ZEB1: variants seen among roughly 807,000 people sequenced by gnomAD.
ZEB1 encodes zinc finger E-box binding homeobox 1, also known as zinc finger E-box-binding homeobox 1.
Under a neutral mutation model 84.9 loss-of-function variants are expected in ZEB1, and 21 were observed. That is an observed-to-expected ratio of 0.25 (90% CI 0.18 to 0.36). ZEB1 has a LOEUF of 0.36. Ranked by LOEUF, ZEB1 falls within the 10% of genes least tolerant of loss-of-function variation. The pLI is 1.00. For synonymous variants in ZEB1, 420 were observed against 471.1 expected (o/e 0.89, Z 1.41); for missense variants, 1,104 against 1,330.2 (o/e 0.83, Z 2.65).
At chr10:31,373,234 A>G (rs1461052609) in intron 1 of ZEB1, 1 of 984,268 alleles carries the variant, frequency 1.0e-6, no homozygotes, top group Non-Finnish European at 1.2e-6. Flanking sequence ...CTACCAATGT[A>G]TTATATTTGA....
At chr10:31,396,977 G>A (rs11008483) in intron 1 of ZEB1, among the ~76,000 whole-genome samples, 1 of 150,630 alleles carries the variant, frequency 6.6e-6, no homozygotes, top group Non-Finnish European at 1.5e-5. Context: ...AAAATAGCTC[G>A]AGCTCTCCTA....
chr10:31,509,116 G>A (rs1182160342), intron 4 of ZEB1, among the ~76,000 whole-genome samples: 1 of 152,174 alleles, frequency 6.6e-6, no homozygotes, highest in East Asian at 1.9e-4. Flanking sequence ...GTATGTCAGT[G>A]GGGCTCAACA....
chr10:31,321,031 C>T (rs2033876935), intron 1 of ZEB1: 2 of 549,104 alleles, frequency 3.6e-6, no homozygotes, highest in Non-Finnish European at 4.6e-6. Context: ...GCAATAAATG[C>T]GTCTATAATG....
chr10:31,496,684 C>T (rs755716543), intron 3 of ZEB1, among the ~76,000 whole-genome samples: 16 of 152,024 alleles, frequency 1.1e-4, no homozygotes, highest in Non-Finnish European at 1.9e-4. Flanking sequence ...TTAGATATTT[C>T]TGTCATATAG....
intron 5 of ZEB1, among the ~76,000 whole-genome samples, chr10:31,513,646 TAGTTG>T (rs1019687239): frequency 6.4e-4 from 97 of 152,186 alleles, no homozygotes; most frequent in African/African-American, 2.2e-3. Flanking sequence ...CATGAAGCAG[TAGTTG>T]AGTTAAGCCG....
At chr10:31,336,758 C>G (rs548304200) in intron 1 of ZEB1, among the ~76,000 whole-genome samples, 2 of 152,182 alleles carry the variant, frequency 1.3e-5, no homozygotes, top group African/African-American at 4.8e-5. Flanking sequence ...CAGGGAAATG[C>G]AAATTAAAAC....
rs566555417 is a variant in ZEB1 at position 31,511,067 on chromosome 10, T to G, written c.687+192T>G. On this transcript the variant is annotated intron_variant, in intron 5 of 8. Coordinates refer to ENST00000424869, the MANE Select transcript of ZEB1 (RefSeq NM_001174096.2). ...CATTCCTGAGATTAAAAACCACATATGAACGTTACTTTAGAGGTAACTCAG... is the reference window on the plus strand; with the variant it reads ...CATTCCTGAGATTAAAAACCACATAGGAACGTTACTTTAGAGGTAACTCAG... Among the ~76,000 whole-genome samples, 5 of 152,366 alleles carry G rather than the reference T, an allele frequency of 3.3e-5. No homozygotes were observed. In the East Asian group the frequency reaches 9.6e-4, roughly 29 times the overall value.
chr10:31,372,538 T>A (rs2045905688), intron 1 of ZEB1, among the ~76,000 whole-genome samples: 1 of 152,064 alleles, frequency 6.6e-6, no homozygotes, highest in African/African-American at 2.4e-5. Context: ...ATAAATTTTG[T>A]CTTCCCAGTA....
At chr10:31,521,972 A>G (rs1254693405) in intron 7 of ZEB1, 36 bp downstream of exon 7, 5 of 1,613,536 alleles carry the variant, frequency 3.1e-6, no homozygotes, top group Non-Finnish European at 4.2e-6. Context: ...CTGGCTAGTA[A>G]TATGCTATTT....
chr10:31,418,951 C>A (rs1277444043), intron 1 of ZEB1, among the ~76,000 whole-genome samples: 4 of 150,786 alleles, frequency 2.7e-5, no homozygotes, highest in African/African-American at 9.7e-5. Flanking sequence ...TGTACATATT[C>A]AAAAAAAAAT....
rs11814146 is a variant in ZEB1, at chr10:31,368,258, G to A, written c.58+48966G>A. Among the ~76,000 whole-genome samples the A allele has an allele frequency of 9.4e-3, 1,428 of 152,124 alleles. 25 individuals carry two copies. Among genetic ancestry groups the A allele is most frequent in the African/African-American group, 0.033 (1,367 of 41,500 alleles). ...CAGCCTCGACCTCCTGGGCTCAATC[G>A]ATCCCCCCACTTCAGCCTCCCAAGT... On this transcript the variant is annotated intron_variant, in intron 1 of 8. Transcript: ENST00000424869.
At position 31,331,081 on chromosome 10, in the gene ZEB1, CTTTT is replaced by C. The variant is rs548615284; in HGVS notation, c.58+11812_58+11815del. ...ATTTTCTTTTCTTTTTTCTTTCTTT[CTTTT>C]TTTTTTTTTTTTTTTTTTTTTTGAG... On this transcript the variant is annotated intron_variant, in intron 1 of 8. Coordinates refer to ENST00000424869, the MANE Select transcript of ZEB1 (RefSeq NM_001174096.2). Among the ~76,000 whole-genome samples, 700 of 77,740 alleles carry C rather than the reference CTTTT, an allele frequency of 9.0e-3. 1 individual carries two copies. Among genetic ancestry groups the C allele is most frequent in the African/African-American group, 0.038 (657 of 17,428 alleles). 51.0% of individuals were successfully genotyped at this position (77,740 alleles called of 152,430 possible).
At chr10:31,396,778 A>T (rs940629147) in intron 1 of ZEB1, among the ~76,000 whole-genome samples, 2 of 152,178 alleles carry the variant, frequency 1.3e-5, no homozygotes, top group Admixed American at 1.3e-4. Context: ...TAGAAACCTG[A>T]TGTGAAATTA....
chr10:31,409,976 C>G (rs1166413804), intron 1 of ZEB1, among the ~76,000 whole-genome samples: 3 of 152,212 alleles, frequency 2.0e-5, no homozygotes, highest in Non-Finnish European at 4.4e-5. Context: ...TTGACTTCCC[C>G]TCTTCCTATT....
intron 2 of ZEB1, among the ~76,000 whole-genome samples, chr10:31,465,522 T>A (rs1216608988): frequency 6.6e-6 from 1 of 151,886 alleles, no homozygotes; most frequent in Non-Finnish European, 1.5e-5. Flanking sequence ...TTAAAACTTT[T>A]CAGAAAACAA....
chr10:31,349,427 A>G (rs1320832001), intron 1 of ZEB1, among the ~76,000 whole-genome samples: 5 of 152,152 alleles, frequency 3.3e-5, no homozygotes, highest in African/African-American at 7.2e-5. Flanking sequence ...TTTCTTTTGT[A>G]TTTATAACTA....
intron 1 of ZEB1, among the ~76,000 whole-genome samples, chr10:31,427,669 T>C (rs79252233): frequency 2.0e-5 from 3 of 152,056 alleles, no homozygotes; most frequent in Admixed American, 6.5e-5. Flanking sequence ...CTGGCTAACA[T>C]GGTGAAACCC....
chr10:31,516,862 A>T (rs982772480), intron 6 of ZEB1, among the ~76,000 whole-genome samples: 1 of 152,064 alleles, frequency 6.6e-6, no homozygotes, highest in Non-Finnish European at 1.5e-5. Flanking sequence ...GGTCTGGTTG[A>T]TTCCAAGAGA....
In ZEB1 at chr10:31,495,899, AT is replaced by A. The variant is rs2067156414; in HGVS notation, c.322+64del. 6 of 1,583,916 alleles carry A rather than the reference AT, an allele frequency of 3.8e-6. No homozygotes were observed. In the Admixed American group the frequency reaches 5.0e-5, roughly 13 times the overall value. On this transcript the variant is annotated intron_variant, in intron 3 of 8. Transcript: ENST00000424869. ...TTAAAAGAAGGTCTTTGTGTCACTGATTTCGCATTTGTGAGTCCTGAATTTA... is the reference window on the plus strand; with the variant it reads ...TTAAAAGAAGGTCTTTGTGTCACTGATTCGCATTTGTGAGTCCTGAATTTA...
Sources: gnomAD v4.1 joint callset for allele counts (sites outside exome capture counted in the v4.1 genomes callset) on GRCh38, gnomAD v4.1.1 for gene constraint, MANE v1.5 for transcripts, NCBI Gene and HGNC (gene_info 2026-07-23, HGNC 2026-07-21) for gene names.